The following CENPP variants were observed in gnomAD, a reference collection of about 807,000 sequenced individuals.
CENPP encodes centromere protein P.
A neutral mutation model predicts 35.6 loss-of-function variants in CENPP; 24 were observed. The ratio of observed to expected loss-of-function variants is 0.67; its 90% CI spans 0.49 to 0.95. CENPP has a LOEUF of 0.95. Among genes scored for constraint, CENPP ranks in the 40% least tolerant of loss-of-function variants. The pLI, the probability that CENPP is intolerant of heterozygous loss-of-function variation, is 0.00. For synonymous variants in CENPP, 120 were observed against 125.5 expected (o/e 0.96, Z 0.29); for missense variants, 332 against 345.3 (o/e 0.96, Z 0.31).
At chr9:92,488,001 G>A (rs1049338753) in intron 5 of CENPP, among the ~76,000 whole-genome samples, 1 of 152,184 alleles carries the variant, frequency 6.6e-6, no homozygotes, top group Non-Finnish European at 1.5e-5. Flanking sequence ...TGTGTTAGAT[G>A]ATTTTGCCAA....
At chr9:92,353,331 C>CA (rs1164955953) in intron 4 of CENPP, among the ~76,000 whole-genome samples, 1 of 152,194 alleles carries the variant, frequency 6.6e-6, no homozygotes, top group Non-Finnish European at 1.5e-5. Context: ...TTGCGTTCAG[C>CA]AAGCACCTCA....
At chr9:92,523,980 A>T (rs1848233532) in intron 5 of CENPP, among the ~76,000 whole-genome samples, 1 of 152,250 alleles carries the variant, frequency 6.6e-6, no homozygotes, top group Non-Finnish European at 1.5e-5. Context: ...ACAAATGAGC[A>T]TGGATGTGTT....
At chr9:92,611,509 G>A (rs1588319571) in intron 6 of CENPP, 116 bp downstream of exon 6, 12 of 744,852 alleles carry the variant, frequency 1.6e-5, no homozygotes, top group East Asian at 2.7e-5. Context: ...ACTAAAGGTC[G>A]TCGGTTGGAG....
chr9:92,596,976 G>GT (rs1466665410), intron 5 of CENPP, among the ~76,000 whole-genome samples: 2 of 152,054 alleles, frequency 1.3e-5, no homozygotes, highest in African/African-American at 2.4e-5. Context: ...CAACAAAAAT[G>GT]TTTTTTCTGC....
chr9:92,517,314 GGCACGTT>G (rs925997223), intron 5 of CENPP: 11 of 300,148 alleles, frequency 3.7e-5, no homozygotes, highest in African/African-American at 2.2e-4. Flanking sequence ...AGATGATAAA[GGCACGTT>G]GCACTGGATT....
At chr9:92,538,799 A>G (rs571795737) in intron 5 of CENPP, among the ~76,000 whole-genome samples, 3 of 152,312 alleles carry the variant, frequency 2.0e-5, no homozygotes, top group Admixed American at 1.3e-4. Flanking sequence ...GTCACCAAAC[A>G]ACATGAGCAG....
chr9:92,611,388 G>A lies in CENPP; in HGVS notation c.639G>A (p.Arg213=), dbSNP rs776755568. Residue 213 remains arginine (R), a synonymous_variant, in exon 6 of 8, where the codon CGG becomes CGA. Coordinates refer to ENST00000375587, the MANE Select transcript of CENPP (RefSeq NM_001012267.3). ...CCATGGGGATCCGCAGCGCCAGCCG[G>A]CCAGGGTGAGCCTGCACAGGCCATG... The part of the protein sequence containing the change: ...SCSMGIRSAS[R]PGFELVIVWR... 1.9e-6 allele frequency: 3 copies of A among 1,612,234 alleles called. No homozygotes were observed. The highest frequency in any genetic ancestry group is 2.2e-5 in the East Asian group (1 of 44,836).
intron 5 of CENPP, among the ~76,000 whole-genome samples, chr9:92,581,415 A>T (rs1463627984): frequency 6.6e-6 from 1 of 152,196 alleles, no homozygotes; most frequent in African/African-American, 2.4e-5. Flanking sequence ...TCACACCTAA[A>T]TATAATTTAA....
chr9:92,591,623 A>G (rs1267434611), intron 5 of CENPP, among the ~76,000 whole-genome samples: 1 of 151,720 alleles, frequency 6.6e-6, no homozygotes, highest in Non-Finnish European at 1.5e-5. Flanking sequence ...AAAATAGATG[A>G]TATGTTCTTT....
At chr9:92,556,762 G>C (rs1849732887) in intron 5 of CENPP, among the ~76,000 whole-genome samples, 1 of 152,214 alleles carries the variant, frequency 6.6e-6, no homozygotes, top group Non-Finnish European at 1.5e-5. Flanking sequence ...GCAGCGGATA[G>C]TTGGTTAGTG....
chr9:92,577,607 A>G (rs1850315135), intron 5 of CENPP, among the ~76,000 whole-genome samples: 2 of 152,120 alleles, frequency 1.3e-5, no homozygotes, highest in South Asian at 4.1e-4. Flanking sequence ...AGGGGTGCAT[A>G]CTTAAGTAAG....
rs1156633938 is a variant in CENPP at position 92,575,162 on chromosome 9, A to C, written c.565-36152A>C. ...TTGGATTTGGCAAGTGATTTCTTAG[A>C]TATGACAGCAAAGGTATAGTCAACT... On this transcript the variant is annotated intron_variant, in intron 5 of 7. Coordinates refer to ENST00000375587, the MANE Select transcript of CENPP (RefSeq NM_001012267.3). Among the ~76,000 whole-genome samples, 6 of 152,354 alleles carry C rather than the reference A, an allele frequency of 3.9e-5. No homozygotes were observed. The East Asian group carries it at 1.2e-3, about 29-fold the overall frequency.
intron 4 of CENPP, among the ~76,000 whole-genome samples, chr9:92,352,512 T>C (rs201530483): frequency 1.2e-4 from 11 of 91,664 alleles, no homozygotes; most frequent in African/African-American, 4.1e-4. Flanking sequence ...TGTGTATACA[T>C]ATATATATAT....
At chr9:92,473,226 A>G (rs1172798623) in intron 5 of CENPP, among the ~76,000 whole-genome samples, 1 of 152,146 alleles carries the variant, frequency 6.6e-6, no homozygotes, top group Non-Finnish European at 1.5e-5. Context: ...TGTCTCATGC[A>G]GGGTCTTCAT....
Position 92,611,350 on chromosome 9 carries a change from CCCT to C in CENPP, c.608_610del (p.Ser203del). 6.2e-7 allele frequency: 1 copy of C among 1,613,644 alleles called. No homozygotes were observed. Among genetic ancestry groups the C allele is most frequent in the Non-Finnish European group, 8.5e-7 (1 of 1,179,974 alleles). ...AGATGCCGTGTACCTCTCGGAGGGG[CCCT>C]CCTCCTGCTCCATGGGGATCCGCAG... On this transcript the variant is annotated inframe_deletion, in exon 6 of 8. Coordinates refer to ENST00000375587, the MANE Select transcript of CENPP (RefSeq NM_001012267.3).
chr9:92,436,044 GTT>G (rs1001021549), intron 5 of CENPP, among the ~76,000 whole-genome samples: 1 of 152,178 alleles, frequency 6.6e-6, no homozygotes, highest in Non-Finnish European at 1.5e-5. Context: ...GAGTGATTCA[GTT>G]TCTCGACATC....
chr9:92,612,701 A>T, intron 7 of CENPP, 87 bp downstream of exon 7: 1 of 950,214 alleles, frequency 1.1e-6, no homozygotes. Context: ...TTCAAAGGGC[A>T]AGAATCAAAA....
At chr9:92,470,614 G>A in intron 5 of CENPP, 7 of 944,776 alleles carry the variant, frequency 7.4e-6, no homozygotes, top group Non-Finnish European at 9.5e-6. Flanking sequence ...AATCATTATA[G>A]CAAAGATACA....
intron 4 of CENPP, among the ~76,000 whole-genome samples, chr9:92,346,849 C>G (rs1042522585): frequency 5.9e-5 from 9 of 152,120 alleles, no homozygotes; most frequent in Non-Finnish European, 2.9e-5. Flanking sequence ...AGGTCATTCA[C>G]AGGGGATAAC....
Sources: allele counts gnomAD v4.1 joint callset (sites outside exome capture counted in the v4.1 genomes callset), GRCh38; gene constraint gnomAD v4.1.1; transcripts MANE v1.5; gene names NCBI Gene and HGNC (gene_info 2026-07-23, HGNC 2026-07-21).